Variants in TOMM7 observed in about 807,000 individuals in gnomAD.
TOMM7 encodes translocase of outer mitochondrial membrane 7.
Under a neutral mutation model 9.5 loss-of-function variants are expected in TOMM7, and 8 were observed. The ratio of observed to expected loss-of-function variants is 0.84; its 90% confidence interval spans 0.49 to 1.51. TOMM7 has a LOEUF of 1.51. TOMM7 is among the 40% of genes most tolerant of loss of function. TOMM7 has a pLI of 0.00. For missense variants in TOMM7, 74 were observed against 63.7 expected (o/e 1.16, Z -0.55); for synonymous variants, 27 against 21.4 (o/e 1.26, Z -0.72).
chr7:22,822,554 C>T, intron 1 of TOMM7, 123 bp downstream of exon 1: 3 of 890,786 alleles, frequency 3.4e-6, no homozygotes, highest in Non-Finnish European at 5.5e-6. Flanking sequence ...ACCAGACAGC[C>T]TCAGGGGCCG....
chr7:22,816,624 A>G (rs1048827523), intron 2 of TOMM7, among the ~76,000 whole-genome samples: 1 of 152,248 alleles, frequency 6.6e-6, no homozygotes, highest in Non-Finnish European at 1.5e-5. Context: ...GGAAAACAGA[A>G]TAACTGCAGA....
At chr7:22,822,392 G>A in intron 1 of TOMM7, 1 of 1,074,528 alleles carries the variant, frequency 9.3e-7, no homozygotes, top group Non-Finnish European at 1.3e-6. Context: ...ATCCACTGGG[G>A]TCATCCAACC....
chr7:22,822,702 G>T lies in TOMM7; in HGVS notation c.78C>A (p.Gly26=). Residue 26 remains glycine, a synonymous_variant, in exon 1 of 3, where the codon GGC becomes GGA. Coordinates refer to ENST00000358435, the MANE Select transcript of TOMM7 (RefSeq NM_019059.5). The part of the protein sequence containing the change: ...FKGSQFAIRW[G]FIPLVIYLGF... Reference sequence around the variant, plus strand: ...CCAGGTAAATCACAAGAGGGATAAAGCCCCAGCGAATGGCAAACTGGCTCC... The same window carrying T: ...CCAGGTAAATCACAAGAGGGATAAATCCCCAGCGAATGGCAAACTGGCTCC... 1 of 1,614,078 alleles carries T rather than the reference G, an allele frequency of 6.2e-7. No homozygotes were observed. Among genetic ancestry groups the T allele is most frequent in the Non-Finnish European group, 8.5e-7 (1 of 1,179,944 alleles).
intron 1 of TOMM7, chr7:22,818,308 A>G (rs1782342791): frequency 3.0e-6 from 1 of 337,564 alleles, no homozygotes; most frequent in Non-Finnish European, 5.6e-6. Context: ...TCACTCTGTC[A>G]CCCAGGCTGG....
At chr7:22,817,239 AT>A (rs1486110768) in intron 2 of TOMM7, 1 of 153,174 alleles carries the variant, frequency 6.5e-6, no homozygotes, top group African/African-American at 2.4e-5. Context: ...ATGAATATGT[AT>A]ACTGTGTGTG....
At chr7:22,815,012 G>A (rs1782298568) in intron 2 of TOMM7, among the ~76,000 whole-genome samples, 1 of 152,206 alleles carries the variant, frequency 6.6e-6, no homozygotes, top group South Asian at 2.1e-4. Flanking sequence ...AGGGAGCACA[G>A]TACATGAAAT....
chr7:22,818,444 A>G (rs192203088), intron 1 of TOMM7: 1 of 159,624 alleles, frequency 6.3e-6, no homozygotes, highest in African/African-American at 2.4e-5. Flanking sequence ...CACCCAGCTA[A>G]ATTTTTTTGT....
chr7:22,818,512 C>T (rs1354930412), intron 1 of TOMM7, among the ~76,000 whole-genome samples: 3 of 152,170 alleles, frequency 2.0e-5, no homozygotes, highest in Non-Finnish European at 4.4e-5. Context: ...AACTCCTGAC[C>T]TCAAATGATC....
rs945331085 is a variant in TOMM7 at position 22,814,578 on chromosome 7, T to C, written c.153-1393A>G. Among the ~76,000 whole-genome samples, 7 of 152,046 alleles carry C rather than the reference T, an allele frequency of 4.6e-5. No homozygotes were observed. The East Asian group carries it at 9.6e-4, about 21-fold the overall frequency. On this transcript the variant is annotated intron_variant, in intron 2 of 2. Transcript: ENST00000358435. ...GGGCAGCAAAAATATAAAAAGGAAATCTTGCTCAGCCTTATGCAGATAATG... is the reference window on the plus strand; with the variant it reads ...GGGCAGCAAAAATATAAAAAGGAAACCTTGCTCAGCCTTATGCAGATAATG...
At chr7:22,817,937 C>T in intron 2 of TOMM7, 63 bp downstream of exon 2, 1 of 1,484,254 alleles carries the variant, frequency 6.7e-7, no homozygotes, top group African/African-American at 1.4e-5. Flanking sequence ...TCTTTTACAT[C>T]TTAGTGATTC....
At position 22,822,700 on chromosome 7, in the gene TOMM7, A is replaced by G; in HGVS notation, c.80T>C (p.Phe27Ser). Residue 27 changes from phenylalanine (F) to serine (S), a missense_variant, in exon 1 of 3, where the codon TTT (phenylalanine) becomes TCT (serine). By Grantham distance (155) the Phe-to-Ser change is radical. Transcript: ENST00000358435. ...KGSQFAIRWG[F>S]IPLVIYLGFK... ...ACCCAGGTAAATCACAAGAGGGATAAAGCCCCAGCGAATGGCAAACTGGCT... is the reference window on the plus strand; with the variant it reads ...ACCCAGGTAAATCACAAGAGGGATAGAGCCCCAGCGAATGGCAAACTGGCT... 2 of 1,614,102 alleles carry G rather than the reference A, an allele frequency of 1.2e-6. No individual in the cohort carries two copies. The highest frequency in any genetic ancestry group is 8.5e-7 in the Non-Finnish European group (1 of 1,179,954).
At chr7:22,814,356 A>C (rs1277066103) in intron 2 of TOMM7, among the ~76,000 whole-genome samples, 1 of 149,554 alleles carries the variant, frequency 6.7e-6, no homozygotes, top group African/African-American at 2.5e-5. Context: ...ACTCAAAAAA[A>C]AAAAAAAAAA....
intron 1 of TOMM7, chr7:22,822,093 C>A (rs1782400897): frequency 6.5e-7 from 1 of 1,536,532 alleles, no homozygotes; most frequent in Non-Finnish European, 8.8e-7. Flanking sequence ...GCCCCTAACT[C>A]CCTCAGTCAG....
chr7:22,822,802 G>T lies in TOMM7; in HGVS notation c.-23C>A, dbSNP rs1457454096. 1.3e-6 allele frequency: 2 copies of T among 1,597,288 alleles called. No individual in the cohort carries two copies. The highest frequency in any genetic ancestry group is 2.2e-5 in the South Asian group (2 of 90,744). On this transcript the variant is annotated 5_prime_UTR_variant, in exon 1 of 3. Transcript: ENST00000358435. Reference sequence around the variant, plus strand: ...CATGGCGACGGCCGTGTGGCGCAGGGAGGACCCCTTACAGCAACCACAGCG... The same window carrying T: ...CATGGCGACGGCCGTGTGGCGCAGGTAGGACCCCTTACAGCAACCACAGCG...
intron 1 of TOMM7, among the ~76,000 whole-genome samples, chr7:22,821,506 C>T (rs1250245476): frequency 6.6e-6 from 1 of 152,028 alleles, no homozygotes; most frequent in East Asian, 1.9e-4. Flanking sequence ...GGGGCGGAGG[C>T]CGGCTGGAGG....
intron 2 of TOMM7, chr7:22,817,411 CTTTT>C: frequency 6.6e-6 from 1 of 151,092 alleles, no homozygotes; most frequent in South Asian, 1.7e-4. Flanking sequence ...TAATTATTTA[CTTTT>C]TTTTTTTTGG....
intron 1 of TOMM7, among the ~76,000 whole-genome samples, chr7:22,820,342 A>T: frequency 6.6e-6 from 1 of 152,244 alleles, no homozygotes; most frequent in Admixed American, 6.5e-5. Context: ...GAATATAGCC[A>T]GTGTGCATAA....
Position 22,822,796 on chromosome 7 carries a change from C to G in TOMM7, c.-17G>C, listed in dbSNP as rs1278441944. The G allele has an allele frequency of 6.2e-7, 1 of 1,606,236 alleles. No homozygotes were observed. On this transcript the variant is annotated 5_prime_UTR_variant, in exon 1 of 3. Transcript: ENST00000358435. The stretch of plus-strand genomic sequence containing the variant: ...CTTCACCATGGCGACGGCCGTGTGG[C>G]GCAGGGAGGACCCCTTACAGCAACC...
rs186308281 is a variant in TOMM7, at chr7:22,820,164, C to G, written c.104-2116G>C. Among the ~76,000 whole-genome samples the G allele has an allele frequency of 1.1e-3, 168 of 152,162 alleles. 1 individual carries two copies. Among genetic ancestry groups the G allele is most frequent in the Admixed American group, 8.0e-3 (123 of 15,282 alleles). On this transcript the variant is annotated intron_variant, in intron 1 of 2. Transcript: ENST00000358435. ...ACCAGCCTGGGTAACACAGCAAGACCCTGTCTCTATTTCAACATGGGAACT... is the reference window on the plus strand; with the variant it reads ...ACCAGCCTGGGTAACACAGCAAGACGCTGTCTCTATTTCAACATGGGAACT...
Sources: gnomAD v4.1 joint callset for allele counts (sites outside exome capture counted in the v4.1 genomes callset) on GRCh38, gnomAD v4.1.1 for gene constraint, MANE v1.5 for transcripts, NCBI Gene and HGNC (gene_info 2026-07-23, HGNC 2026-07-21) for gene names.